MMP24: variants seen among roughly 807,000 people sequenced by gnomAD.
MMP24 encodes the protein matrix metalloproteinase-24.
A neutral mutation model predicts 62.8 loss-of-function variants in MMP24; 25 were observed. That is an observed-to-expected ratio of 0.40 (90% CI 0.29 to 0.56). The LOEUF (loss-of-function observed/expected upper bound fraction) is 0.56, where lower values mean the gene tolerates loss of function less well. MMP24 is among the 20% of genes least tolerant of loss of function. The pLI is 0.50. For synonymous variants in MMP24, 319 were observed against 350.5 expected, an observed-to-expected ratio of 0.91 and a Z score of 1.00; for missense variants, 634 against 853.6, an observed-to-expected ratio of 0.74 and a Z score of 3.21.
At chr20:35,248,911 T>C (rs984792918) in intron 2 of MMP24, among the ~76,000 whole-genome samples, 3 of 152,168 alleles carry the variant, frequency 2.0e-5, no homozygotes, top group Non-Finnish European at 4.4e-5. Context: ...CACCTGGCCT[T>C]GGGTTTTACT....
Position 35,274,697 on chromosome 20 carries a change from C to T in MMP24, c.*88C>T. 1 of 1,202,026 alleles carries T rather than the reference C, an allele frequency of 8.3e-7. No homozygotes were observed. 74.5% of individuals were successfully genotyped at this position (1,202,026 alleles called of 1,614,324 possible). ...GAGGGGCAGCTCTGGCCAGTGCTCA[C>T]CAGGGCCAGCAGGGCCCTAGGCTGG... On this transcript the variant is annotated 3_prime_UTR_variant, in exon 9 of 9. Transcript: ENST00000246186. The surrounding 1 kb of genome is among the most constrained non-coding windows in gnomAD (Gnocchi z 5.1).
At chr20:35,265,954 A>T (rs2060631667) in intron 5 of MMP24, among the ~76,000 whole-genome samples, 1 of 152,062 alleles carries the variant, frequency 6.6e-6, no homozygotes, top group Non-Finnish European at 1.5e-5. Context: ...TAGAGCAGTG[A>T]TTCTCAACTT....
intron 1 of MMP24, among the ~76,000 whole-genome samples, chr20:35,234,909 C>T (rs2060455592): frequency 6.6e-6 from 1 of 152,036 alleles, no homozygotes. Context: ...CCCATCTCTA[C>T]AAAAGAAAAC....
At position 35,275,765 on chromosome 20, in the gene MMP24, G is replaced by A. The variant is rs1023472336; in HGVS notation, c.*1156G>A. On this transcript the variant is annotated 3_prime_UTR_variant, in exon 9 of 9. Coordinates refer to ENST00000246186, the MANE Select transcript of MMP24 (RefSeq NM_006690.4). The stretch of plus-strand genomic sequence containing the variant: ...CGACTCAATCTCTCGGCTGGAAGCA[G>A]TGTTTTCCCAGAGCTTGGCCCTTGC... 8.1e-6 allele frequency: 3 copies of A among 368,788 alleles called. No homozygotes were observed. Among genetic ancestry groups the A allele is most frequent in the African/African-American group, 2.1e-5 (1 of 48,116 alleles). The allele number at this position is 368,788 out of a possible 1,614,324, so 22.8% of individuals were successfully genotyped here. A position where few individuals can be genotyped will look rare whatever the true frequency, so the allele number is the denominator to read the frequency against.
intron 8 of MMP24, among the ~76,000 whole-genome samples, chr20:35,272,925 A>C (rs944868901): frequency 6.6e-6 from 1 of 152,230 alleles, no homozygotes; most frequent in Non-Finnish European, 1.5e-5. Context: ...TGCCTAGCAC[A>C]CCATCCATGC....
intron 1 of MMP24, among the ~76,000 whole-genome samples, chr20:35,245,790 G>T (rs527953597): frequency 2.2e-4 from 33 of 147,880 alleles, no homozygotes; most frequent in Admixed American, 2.0e-3. Flanking sequence ...TAATTTGCTA[G>T]CCAATTGTCA....
intron 5 of MMP24, among the ~76,000 whole-genome samples, chr20:35,264,417 C>T (rs1046260376): frequency 1.3e-5 from 2 of 152,070 alleles, no homozygotes; most frequent in African/African-American, 4.8e-5. Flanking sequence ...GAGGGCCAGG[C>T]GTGGTGGCTC....
rs746927593 is a variant in MMP24 at position 35,274,231 on chromosome 20, G to C, written c.1601-41G>C. 1.9e-6 allele frequency: 3 copies of C among 1,547,550 alleles called. No individual in the cohort carries two copies. The highest frequency in any genetic ancestry group is 2.7e-5 in the African/African-American group (2 of 74,012). Reference sequence around the variant, plus strand: ...TCACACTGCCCCAGAGCAGGTGCCGGAAGTGTCTGGGAGTGGTGATGCTGG... The same window carrying C: ...TCACACTGCCCCAGAGCAGGTGCCGCAAGTGTCTGGGAGTGGTGATGCTGG... On this transcript the variant is annotated intron_variant, in intron 8 of 8. Coordinates refer to ENST00000246186, the MANE Select transcript of MMP24 (RefSeq NM_006690.4). This position sits in a 1 kb window ranked among gnomAD's most constrained non-coding sequence, Gnocchi z 5.1.
chr20:35,267,740 T>G, intron 6 of MMP24: 1 of 391,324 alleles, frequency 2.6e-6, no homozygotes, highest in African/African-American at 2.1e-5. Context: ...GGGGGAGTCA[T>G]TCCTCTAACA....
intron 1 of MMP24, among the ~76,000 whole-genome samples, chr20:35,230,265 T>C (rs531424995): frequency 1.2e-4 from 18 of 152,300 alleles, no homozygotes; most frequent in African/African-American, 4.1e-4. Context: ...GCTGGGATTA[T>C]AGGTGTGAGC....
intron 2 of MMP24, among the ~76,000 whole-genome samples, chr20:35,247,554 G>C (rs1342278737): frequency 6.6e-6 from 1 of 152,156 alleles, no homozygotes; most frequent in African/African-American, 2.4e-5. Flanking sequence ...CACTTAGGAG[G>C]TAGAAAAAAG....
intron 1 of MMP24, among the ~76,000 whole-genome samples, chr20:35,239,181 G>A (rs1269081183): frequency 1.3e-5 from 2 of 151,956 alleles, no homozygotes; most frequent in Non-Finnish European, 2.9e-5. Flanking sequence ...CGAGTAGCTA[G>A]GATTACAGGC....
rs367921884 is a variant in MMP24, at chr20:35,274,452, A to G, written c.1781A>G (p.Asn594Ser). The change falls in exon 9 of 9, where the codon AAC becomes AGC. Residue 594 changes from asparagine (N) to serine (S), a missense_variant. Around this residue, in one of 3 missense-constraint regions of MMP24, gnomAD observed 399 missense variants for 530.8 expected, o/e 0.75. Coordinates refer to ENST00000246186, the MANE Select transcript of MMP24 (RefSeq NM_006690.4). This position sits in a 1 kb window ranked among gnomAD's most constrained non-coding sequence, Gnocchi z 5.1. ...GACGTGGACATCATGGTGACCATCA[A>G]CGATGTGCCGGGCTCCGTGAACGCC... Reference protein sequence around the residue: ...QDDVDIMVTINDVPGSVNAVA... With the variant: ...QDDVDIMVTISDVPGSVNAVA... 1.3e-5 allele frequency: 21 copies of G among 1,614,020 alleles called. No individual in the cohort carries two copies. The African/African-American group carries it at 2.5e-4, about 19-fold the overall frequency.
intron 1 of MMP24, among the ~76,000 whole-genome samples, chr20:35,227,213 G>A (rs2060418117): frequency 6.6e-6 from 1 of 151,766 alleles, no homozygotes; most frequent in African/African-American, 2.4e-5. Context: ...GCGGACAGGG[G>A]CAGCGGGCGG....
At chr20:35,268,823 C>G (rs578191850) in intron 6 of MMP24, among the ~76,000 whole-genome samples, 2 of 151,594 alleles carry the variant, frequency 1.3e-5, no homozygotes, top group Admixed American at 6.6e-5. Context: ...GTCAGGAGAT[C>G]AAGACCATCC....
chr20:35,240,335 C>T (rs1435447511), intron 1 of MMP24, among the ~76,000 whole-genome samples: 2 of 152,014 alleles, frequency 1.3e-5, no homozygotes, highest in South Asian at 2.1e-4. Context: ...ATGATCTCTA[C>T]GTCTTTGGCT....
At chr20:35,228,738 C>T (rs894482004) in intron 1 of MMP24, among the ~76,000 whole-genome samples, 2 of 152,182 alleles carry the variant, frequency 1.3e-5, no homozygotes, top group Admixed American at 1.3e-4. Context: ...GATTATTCCA[C>T]CTCTTAGCCT....
chr20:35,228,770 TC>T (rs1012887893), intron 1 of MMP24, among the ~76,000 whole-genome samples: 20 of 152,118 alleles, frequency 1.3e-4, no homozygotes, highest in Non-Finnish European at 2.4e-4. Context: ...AACTTAAGTT[TC>T]CCCCTATGAC....
At chr20:35,232,081 G>A (rs2060440420) in intron 1 of MMP24, among the ~76,000 whole-genome samples, 1 of 152,166 alleles carries the variant, frequency 6.6e-6, no homozygotes, top group South Asian at 2.1e-4. Flanking sequence ...ACAGAAGCTA[G>A]GTTTTCTGTT....
Sources: allele counts gnomAD v4.1 joint callset (sites outside exome capture counted in the v4.1 genomes callset), GRCh38; gene constraint gnomAD v4.1.1; regional missense constraint gnomAD v4.1.1; non-coding constraint Gnocchi (gnomAD v3.1); transcripts MANE v1.5; gene names NCBI Gene and HGNC (gene_info 2026-07-23, HGNC 2026-07-21).